EPHA6: variants seen among roughly 807,000 people sequenced by gnomAD.
The protein encoded by EPHA6 is EPH receptor A6, also known as ephrin type-A receptor 6.
A neutral mutation model predicts 112.0 loss-of-function variants in EPHA6; 50 were observed. The ratio of observed to expected loss-of-function variants is 0.45; its 90% CI spans 0.36 to 0.56. EPHA6 has a LOEUF of 0.56. Among genes scored for constraint, EPHA6 ranks in the 20% least tolerant of loss-of-function variants. The pLI, the probability that EPHA6 is intolerant of heterozygous loss-of-function variation, is 0.00. For synonymous variants in EPHA6, 529 were observed against 490.7 expected, an observed-to-expected ratio of 1.08 and a Z score of -1.03; for missense variants, 1,280 against 1,417.4, an observed-to-expected ratio of 0.90 and a Z score of 1.56.
chr3:97,168,270 T>C (rs1259080006), intron 3 of EPHA6, among the ~76,000 whole-genome samples: 2 of 152,158 alleles, frequency 1.3e-5, no homozygotes, highest in South Asian at 4.1e-4. Flanking sequence ...AACTCTACAG[T>C]TATTTATTCT....
At chr3:97,706,859 A>ATTAT (rs958001419) in intron 14 of EPHA6, among the ~76,000 whole-genome samples, 1 of 148,792 alleles carries the variant, frequency 6.7e-6, no homozygotes, top group African/African-American at 2.5e-5. Flanking sequence ...CTGTGCTGTT[A>ATTAT]TTATTTATTT....
At position 97,666,319 on chromosome 3, in the gene EPHA6, G is replaced by A. The variant is rs536141795; in HGVS notation, c.2784+28237G>A. ...GTTATTTCTATCACTGTGTTAGTTT[G>A]CTAAGGCTGCCATAACAAAGCAGCA... On this transcript the variant is annotated intron_variant, in intron 14 of 17. Transcript: ENST00000389672. Among the ~76,000 whole-genome samples the A allele has an allele frequency of 2.0e-5, 3 of 152,310 alleles. No homozygotes were observed. In the South Asian group the frequency reaches 6.2e-4, roughly 32 times the overall value.
intron 2 of EPHA6, among the ~76,000 whole-genome samples, chr3:96,952,396 T>C (rs1199792630): frequency 6.6e-6 from 1 of 152,162 alleles, no homozygotes; most frequent in Non-Finnish European, 1.5e-5. Flanking sequence ...ATGAAGGGTT[T>C]AGTGCAGTTC....
intron 11 of EPHA6, among the ~76,000 whole-genome samples, chr3:97,564,346 T>C (rs1412396112): frequency 3.3e-5 from 5 of 152,158 alleles, no homozygotes; most frequent in Admixed American, 2.0e-4. Context: ...TTCTGAAGTA[T>C]TGCATTTACA....
At chr3:97,299,183 ATGTG>A (rs34282025) in intron 5 of EPHA6, among the ~76,000 whole-genome samples, 22,966 of 144,442 alleles carry the variant, frequency 0.16, 3,704 homozygotes, top group African/African-American at 0.4. Flanking sequence ...GATGATCAGG[ATGTG>A]TGTGTGTGTG....
chr3:97,716,973 G>A (rs930647059), intron 14 of EPHA6, among the ~76,000 whole-genome samples: 3 of 152,136 alleles, frequency 2.0e-5, no homozygotes, highest in African/African-American at 7.2e-5. Flanking sequence ...CACTTTGGGA[G>A]GCCAAGGTGG....
intron 14 of EPHA6, among the ~76,000 whole-genome samples, chr3:97,640,755 G>A (rs978379426): frequency 2.0e-5 from 3 of 151,982 alleles, no homozygotes; most frequent in Non-Finnish European, 2.9e-5. Context: ...ACTCCAGCCT[G>A]GTCAACAAGA....
At chr3:97,300,176 T>C (rs551623682) in intron 5 of EPHA6, among the ~76,000 whole-genome samples, 1 of 152,174 alleles carries the variant, frequency 6.6e-6, no homozygotes, top group Non-Finnish European at 1.5e-5. Context: ...TCGCCTTTTA[T>C]CACAAAAATC....
At chr3:97,634,240 A>G (rs892786856) in intron 13 of EPHA6, among the ~76,000 whole-genome samples, 2 of 152,098 alleles carry the variant, frequency 1.3e-5, no homozygotes, top group African/African-American at 4.8e-5. Context: ...AATGAAATAA[A>G]ATAAGACCTG....
At chr3:97,608,091 A>G (rs1346336485) in intron 12 of EPHA6, among the ~76,000 whole-genome samples, 2 of 150,748 alleles carry the variant, frequency 1.3e-5, no homozygotes, top group Non-Finnish European at 3.0e-5. Context: ...GCAATAGTAA[A>G]AAAAAAAAAA....
At chr3:97,572,388 G>T (rs2093343222) in intron 11 of EPHA6, among the ~76,000 whole-genome samples, 1 of 151,918 alleles carries the variant, frequency 6.6e-6, no homozygotes, top group Admixed American at 6.6e-5. Flanking sequence ...CTGACCTCAT[G>T]ATCCACCTGC....
intron 14 of EPHA6, among the ~76,000 whole-genome samples, chr3:97,703,281 G>GA (rs1328267324): frequency 6.6e-6 from 1 of 152,128 alleles, no homozygotes; most frequent in African/African-American, 2.4e-5. Flanking sequence ...TGTTTCAAAT[G>GA]AAAAATATGA....
At chr3:97,228,448 A>T (rs929843482) in intron 4 of EPHA6, among the ~76,000 whole-genome samples, 1 of 152,000 alleles carries the variant, frequency 6.6e-6, no homozygotes, top group African/African-American at 2.4e-5. Context: ...CTTCACTTAG[A>T]ATAATGGTCT....
At chr3:97,334,031 A>C (rs2082933131) in intron 5 of EPHA6, among the ~76,000 whole-genome samples, 1 of 152,080 alleles carries the variant, frequency 6.6e-6, no homozygotes, top group African/African-American at 2.4e-5. Context: ...GGAATTTGTC[A>C]AATATTTTTT....
At chr3:97,638,194 G>T (rs1020742969) in intron 14 of EPHA6, 112 bp downstream of exon 14, 22 of 738,292 alleles carry the variant, frequency 3.0e-5, no homozygotes, top group Non-Finnish European at 4.5e-5. Context: ...TTATTACTTT[G>T]CTAATTTGAT....
intron 5 of EPHA6, among the ~76,000 whole-genome samples, chr3:97,323,679 G>A (rs78333454): frequency 0.019 from 2,814 of 151,862 alleles, 83 homozygotes; most frequent in African/African-American, 0.057. Context: ...AAAAATTTGA[G>A]GTCTGATAAA....
chr3:97,037,876 G>A (rs541738987), intron 3 of EPHA6, among the ~76,000 whole-genome samples: 1 of 152,000 alleles, frequency 6.6e-6, no homozygotes, highest in Non-Finnish European at 1.5e-5. Context: ...AGGAGAAAGT[G>A]TGATAAAACA....
chr3:97,247,175 T>TA (rs2079009858), intron 5 of EPHA6, among the ~76,000 whole-genome samples: 1 of 152,014 alleles, frequency 6.6e-6, no homozygotes. Flanking sequence ...GATAACACGT[T>TA]ACGATTTCAC....
intron 13 of EPHA6, among the ~76,000 whole-genome samples, chr3:97,633,099 A>G (rs1267013941): frequency 1.3e-5 from 2 of 152,076 alleles, no homozygotes; most frequent in African/African-American, 4.8e-5. Context: ...ACAATGCGAC[A>G]TGTCATTTAC....
Sources: gnomAD v4.1 joint callset for allele counts (sites outside exome capture counted in the v4.1 genomes callset) on GRCh38, gnomAD v4.1.1 for gene constraint, MANE v1.5 for transcripts, NCBI Gene and HGNC (gene_info 2026-07-23, HGNC 2026-07-21) for gene names.